FRMD5: variants seen among roughly 807,000 people sequenced by gnomAD.
FRMD5 encodes the protein FERM domain-containing protein 5.
A neutral mutation model predicts 69.0 loss-of-function variants in FRMD5; 20 were observed. That is an observed-to-expected ratio of 0.29 (90% CI 0.20 to 0.42). FRMD5 has a LOEUF of 0.42. Among genes scored for constraint, FRMD5 ranks in the 10% least tolerant of loss-of-function variants. The pLI is 1.00. For missense variants in FRMD5, 595 were observed against 708.6 expected (o/e 0.84, Z 1.82); for synonymous variants, 271 against 260.1 (o/e 1.04, Z -0.40).
At position 43,888,792 on chromosome 15, in the gene FRMD5, A is replaced by G. The variant is rs754942062; in HGVS notation, c.792+17T>C. ...ATCACCCCAGCCCTCCTTGAAGAGA[A>G]GGAAGCCAGCACTCACCTCTTTCTG... On this transcript the variant is annotated intron_variant, in intron 9 of 13. Transcript: ENST00000417257. 1 of 1,609,306 alleles carries G rather than the reference A, an allele frequency of 6.2e-7. No individual in the cohort carries two copies. The highest frequency in any genetic ancestry group is 1.1e-5 in the South Asian group (1 of 90,974).
intron 1 of FRMD5, among the ~76,000 whole-genome samples, chr15:44,131,885 C>T (rs991189811): frequency 1.3e-4 from 15 of 116,610 alleles, no homozygotes; most frequent in Admixed American, 3.6e-4. Context: ...CACAGGTGGG[C>T]GGGAGATGGT....
chr15:43,943,281 T>C (rs974709189), intron 1 of FRMD5, among the ~76,000 whole-genome samples: 1 of 152,124 alleles, frequency 6.6e-6, no homozygotes, highest in Admixed American at 6.5e-5. Context: ...GGTTTTGCCA[T>C]GTTGCCCAGA....
intron 1 of FRMD5, among the ~76,000 whole-genome samples, chr15:44,094,747 A>C (rs1221326241): frequency 6.6e-6 from 1 of 152,148 alleles, no homozygotes; most frequent in East Asian, 1.9e-4. Flanking sequence ...CTGATATATG[A>C]ATATCAATAT....
intron 1 of FRMD5, among the ~76,000 whole-genome samples, chr15:44,121,928 G>A (rs2076957075): frequency 6.7e-6 from 1 of 149,764 alleles, no homozygotes; most frequent in African/African-American, 2.5e-5. Flanking sequence ...CTGAGGGGTG[G>A]AGGTTGCAGT....
chr15:44,121,718 G>A (rs2076954502), intron 1 of FRMD5, among the ~76,000 whole-genome samples: 1 of 151,990 alleles, frequency 6.6e-6, no homozygotes. Context: ...TATTCAGGCT[G>A]GGGCAGTGGC....
rs745404762 is a variant in FRMD5, at chr15:44,195,071, C to A, written c.-17G>T. On this transcript the variant is annotated 5_prime_UTR_variant, in exon 1 of 14. Coordinates refer to ENST00000417257, the MANE Select transcript of FRMD5 (RefSeq NM_032892.5). Reference sequence around the variant, plus strand: ...GCTCAGCATCTTCCCGCCCGCCCGCCCGGGAGCGACGCGGCGGCGCTGCGG... The same window carrying A: ...GCTCAGCATCTTCCCGCCCGCCCGCACGGGAGCGACGCGGCGGCGCTGCGG... 6.6e-7 allele frequency: 1 copy of A among 1,506,480 alleles called. No individual in the cohort carries two copies. The highest frequency in any genetic ancestry group is 8.8e-7 in the Non-Finnish European group (1 of 1,132,998). 93.3% of individuals were successfully genotyped at this position (1,506,480 alleles called of 1,614,324 possible). A position where few individuals can be genotyped will look rare whatever the true frequency, so the allele number is the denominator to read the frequency against.
intron 1 of FRMD5, among the ~76,000 whole-genome samples, chr15:44,087,737 TATCATC>T (rs61525802): frequency 0.73 from 108,767 of 148,106 alleles, 40,700 homozygotes; most frequent in East Asian, 0.83. Flanking sequence ...TATCAGCTGC[TATCATC>T]ATCATCATCA....
chr15:43,928,079 AT>A (rs2089615530), intron 1 of FRMD5, among the ~76,000 whole-genome samples: 1 of 152,178 alleles, frequency 6.6e-6, no homozygotes, highest in South Asian at 2.1e-4. Flanking sequence ...GGAAATAAGG[AT>A]ATATCCCACT....
chr15:43,937,862 G>A (rs1407906550), intron 1 of FRMD5, among the ~76,000 whole-genome samples: 2 of 152,142 alleles, frequency 1.3e-5, no homozygotes, highest in Admixed American at 1.3e-4. Context: ...AGCGGTAACT[G>A]AATGTTGACC....
chr15:44,074,216 C>T (rs1037839645), intron 1 of FRMD5, among the ~76,000 whole-genome samples: 1 of 152,114 alleles, frequency 6.6e-6, no homozygotes, highest in Non-Finnish European at 1.5e-5. Flanking sequence ...ATAGAAGCCC[C>T]CCCAAAGTAA....
At chr15:44,019,897 G>A (rs1891140341) in intron 1 of FRMD5, among the ~76,000 whole-genome samples, 1 of 151,936 alleles carries the variant, frequency 6.6e-6, no homozygotes, top group Non-Finnish European at 1.5e-5. Flanking sequence ...ATCATTATGA[G>A]CAGATATGCA....
chr15:43,928,899 C>T lies in FRMD5; in HGVS notation c.103-4590G>A, dbSNP rs2089630276. ...AGGACAAGTGAGCTGAGGCAGAGCA[C>T]CCAAATCCTCACCCTGCAGCTACTT... is the stretch of plus-strand genomic sequence containing the variant. On this transcript the variant is annotated intron_variant, in intron 1 of 13. Coordinates refer to ENST00000417257, the MANE Select transcript of FRMD5 (RefSeq NM_032892.5). Among the ~76,000 whole-genome samples the T allele has an allele frequency of 3.3e-5, 5 of 152,208 alleles. No individual in the cohort carries two copies. The South Asian group carries it at 1.0e-3, about 31-fold the overall frequency.
At chr15:43,946,638 T>G (rs943878870) in intron 1 of FRMD5, among the ~76,000 whole-genome samples, 1 of 152,148 alleles carries the variant, frequency 6.6e-6, no homozygotes, top group East Asian at 1.9e-4. Context: ...TTGGGTTGTC[T>G]TGTGTTCAGG....
At chr15:44,172,806 T>G (rs2077827502) in intron 1 of FRMD5, among the ~76,000 whole-genome samples, 1 of 152,062 alleles carries the variant, frequency 6.6e-6, no homozygotes, top group African/African-American at 2.4e-5. Flanking sequence ...ATAAAAACCT[T>G]CAGGAAAAAG....
intron 1 of FRMD5, among the ~76,000 whole-genome samples, chr15:44,093,612 G>A (rs1375599727): frequency 4.8e-5 from 7 of 146,786 alleles, no homozygotes; most frequent in Non-Finnish European, 6.0e-5. Context: ...TCGCTCTGTC[G>A]CCCAGGCTGG....
At chr15:44,033,284 TTGG>T (rs1891766568) in intron 1 of FRMD5, among the ~76,000 whole-genome samples, 1 of 152,098 alleles carries the variant, frequency 6.6e-6, no homozygotes, top group Non-Finnish European at 1.5e-5. Context: ...AAGATAACTA[TTGG>T]ATACTGGGCT....
At chr15:43,989,084 T>C (rs767523173) in intron 1 of FRMD5, 15 of 926,598 alleles carry the variant, frequency 1.6e-5, no homozygotes, top group Non-Finnish European at 2.0e-5. Context: ...CGGTGGATGA[T>C]GGAGGTGCCT....
At chr15:44,179,932 C>T (rs964429914) in intron 1 of FRMD5, among the ~76,000 whole-genome samples, 4 of 151,940 alleles carry the variant, frequency 2.6e-5, no homozygotes, top group African/African-American at 7.3e-5. Flanking sequence ...CCAGCCACTT[C>T]GGAAGCTGGA....
intron 1 of FRMD5, among the ~76,000 whole-genome samples, chr15:44,189,586 T>C (rs561120598): frequency 1.6e-4 from 24 of 151,946 alleles, no homozygotes; most frequent in African/African-American, 5.6e-4. Flanking sequence ...CCTCCCGGGT[T>C]CAAGCAATTC....
Sources: allele counts gnomAD v4.1 joint callset (sites outside exome capture counted in the v4.1 genomes callset), GRCh38; gene constraint gnomAD v4.1.1; transcripts MANE v1.5; gene names NCBI Gene and HGNC (gene_info 2026-07-23, HGNC 2026-07-21).